The following MYO1D variants were observed in gnomAD, a reference collection of about 807,000 sequenced individuals.
MYO1D encodes the protein unconventional myosin-Id.
A neutral mutation model predicts 122.0 loss-of-function variants in MYO1D; 83 were observed. The ratio of observed to expected loss-of-function variants is 0.68; its 90% CI spans 0.57 to 0.82. MYO1D has a LOEUF of 0.82. Among genes scored for constraint, MYO1D ranks in the 40% least tolerant of loss-of-function variants. MYO1D has a pLI of 0.00. For missense variants in MYO1D, 1,157 were observed against 1,269.5 expected, an observed-to-expected ratio of 0.91 and a Z score of 1.35; for synonymous variants, 464 against 446.9, an observed-to-expected ratio of 1.04 and a Z score of -0.48.
rs116386449 is a variant in MYO1D at position 32,605,267 on chromosome 17, C to A, written c.2710-26G>T. ...CTGCAAAGAGAAAATGCATGGAAAA[C>A]TATTTGGATCATTCTCAAAAGAATG... On this transcript the variant is annotated intron_variant, in intron 20 of 21. Coordinates refer to ENST00000318217, the MANE Select transcript of MYO1D (RefSeq NM_015194.3). 1.9e-3 allele frequency: 2,988 copies of A among 1,534,032 alleles called. 50 individuals carry two copies. In the African/African-American group the frequency reaches 0.035, roughly 18 times the overall value.
intron 1 of MYO1D, among the ~76,000 whole-genome samples, chr17:32,849,222 A>G (rs953488843): frequency 6.6e-5 from 10 of 150,850 alleles, no homozygotes; most frequent in Admixed American, 2.6e-4. Context: ...TGGTGGGACT[A>G]TAAACTAGTT....
intron 16 of MYO1D, among the ~76,000 whole-genome samples, chr17:32,679,379 T>C (rs2088872796): frequency 6.6e-6 from 1 of 152,050 alleles, no homozygotes; most frequent in African/African-American, 2.4e-5. Flanking sequence ...CTTCTAGGGT[T>C]TTTATGGTTT....
At chr17:32,707,219 G>A (rs1195156871) in intron 16 of MYO1D, among the ~76,000 whole-genome samples, 2 of 152,004 alleles carry the variant, frequency 1.3e-5, no homozygotes, top group African/African-American at 2.4e-5. Flanking sequence ...ATATAAAAAT[G>A]GGCCAAGAAT....
chr17:32,817,303 CTG>C (rs1567656150), intron 1 of MYO1D, among the ~76,000 whole-genome samples: 1 of 152,216 alleles, frequency 6.6e-6, no homozygotes, highest in Non-Finnish European at 1.5e-5. Flanking sequence ...AGACTGAAGA[CTG>C]AAGACTGAAG....
chr17:32,524,977 A>G (rs978913790), intron 21 of MYO1D, among the ~76,000 whole-genome samples: 9 of 152,228 alleles, frequency 5.9e-5, no homozygotes, highest in Admixed American at 5.2e-4. Context: ...TGCTAGGATT[A>G]TAGGCATGAG....
intron 21 of MYO1D, among the ~76,000 whole-genome samples, chr17:32,548,992 C>T (rs1019044841): frequency 1.3e-5 from 2 of 151,796 alleles, no homozygotes; most frequent in Admixed American, 1.3e-4. Flanking sequence ...GGATTACAGG[C>T]GTGAGCCACC....
chr17:32,531,483 T>C (rs1411625089), intron 21 of MYO1D: 1 of 152,208 alleles, frequency 6.6e-6, no homozygotes, highest in African/African-American at 2.4e-5. Flanking sequence ...ATTGGTCACT[T>C]CATCAGAAAG....
chr17:32,576,278 A>T (rs979924934), intron 21 of MYO1D, among the ~76,000 whole-genome samples: 9 of 152,222 alleles, frequency 5.9e-5, no homozygotes, highest in Non-Finnish European at 5.9e-5. Context: ...TTTTATATTT[A>T]AAGGAACCTG....
At position 32,638,731 on chromosome 17, in the gene MYO1D, A is replaced by C. The variant is rs771167332; in HGVS notation, c.2700T>G (p.Pro900=). 1.9e-6 allele frequency: 3 copies of C among 1,610,162 alleles called. No homozygotes were observed. The South Asian group carries it at 3.3e-5, about 18-fold the overall frequency. The part of the protein sequence containing the change: ...TKQYKVMKTI[P]LYNLTGLSVS... ...AGCACAGAGGACTTACATTGTATAGAGGGATAGTCTTCATCACCTTGTACT... is the reference window on the plus strand; with the variant it reads ...AGCACAGAGGACTTACATTGTATAGCGGGATAGTCTTCATCACCTTGTACT... Residue 900 remains proline (P), a synonymous_variant, in exon 20 of 22, where the codon CCT becomes CCG. Coordinates refer to ENST00000318217, the MANE Select transcript of MYO1D (RefSeq NM_015194.3).
At chr17:32,742,209 G>C (rs1385700517) in intron 13 of MYO1D, among the ~76,000 whole-genome samples, 1 of 152,048 alleles carries the variant, frequency 6.6e-6, no homozygotes, top group Non-Finnish European at 1.5e-5. Flanking sequence ...GAAGTGTGTA[G>C]GTTATATGTA....
chr17:32,827,237 A>G (rs149650188), intron 1 of MYO1D, among the ~76,000 whole-genome samples: 3 of 152,362 alleles, frequency 2.0e-5, no homozygotes, highest in African/African-American at 7.2e-5. Context: ...GACACATGCT[A>G]TAACATGGAT....
At chr17:32,588,643 A>C (rs886446390) in intron 21 of MYO1D, among the ~76,000 whole-genome samples, 1 of 152,180 alleles carries the variant, frequency 6.6e-6, no homozygotes, top group South Asian at 2.1e-4. Context: ...CTAATTTTTA[A>C]AATCCATTTA....
intron 14 of MYO1D, among the ~76,000 whole-genome samples, chr17:32,723,042 A>T (rs1250334044): frequency 6.6e-6 from 1 of 152,180 alleles, no homozygotes; most frequent in Non-Finnish European, 1.5e-5. Flanking sequence ...ATAAAACAAA[A>T]AAAACAAAAC....
At chr17:32,719,947 C>T (rs1294253442) in intron 15 of MYO1D, among the ~76,000 whole-genome samples, 1 of 152,206 alleles carries the variant, frequency 6.6e-6, no homozygotes, top group Non-Finnish European at 1.5e-5. Flanking sequence ...TTTTCCCTGG[C>T]TGTTCCCTCT....
intron 21 of MYO1D, among the ~76,000 whole-genome samples, chr17:32,544,738 A>C (rs1400408025): frequency 6.6e-6 from 1 of 152,214 alleles, no homozygotes; most frequent in African/African-American, 2.4e-5. Context: ...CACATCAGTC[A>C]GGCAGTTGCT....
intron 8 of MYO1D, among the ~76,000 whole-genome samples, chr17:32,763,105 G>A (rs2090019111): frequency 8.5e-6 from 1 of 117,894 alleles, no homozygotes; most frequent in Non-Finnish European, 1.9e-5. Flanking sequence ...AGAATGGCAT[G>A]AACCCGGAAG....
intron 21 of MYO1D, among the ~76,000 whole-genome samples, chr17:32,524,783 G>A (rs937370607): frequency 1.3e-5 from 2 of 152,156 alleles, no homozygotes; most frequent in African/African-American, 4.8e-5. Flanking sequence ...GGCTGGTCTT[G>A]AACTCCTGAC....
chr17:32,633,766 T>A (rs548822060), intron 20 of MYO1D, among the ~76,000 whole-genome samples: 1 of 152,188 alleles, frequency 6.6e-6, no homozygotes, highest in South Asian at 2.1e-4. Flanking sequence ...TAAAATACTT[T>A]CCACCAAGTA....
intron 21 of MYO1D, among the ~76,000 whole-genome samples, chr17:32,544,279 T>A (rs1264415482): frequency 2.0e-5 from 3 of 147,918 alleles, no homozygotes; most frequent in East Asian, 1.9e-4. Context: ...AAAAAAAAAA[T>A]TTGTAGAGAC....
Sources: allele counts gnomAD v4.1 joint callset (sites outside exome capture counted in the v4.1 genomes callset), GRCh38; gene constraint gnomAD v4.1.1; transcripts MANE v1.5; gene names NCBI Gene and HGNC (gene_info 2026-07-23, HGNC 2026-07-21).